Variants in ABCB7 observed in about 807,000 individuals in gnomAD.
ABCB7 encodes the protein iron-sulfur clusters transporter ABCB7, mitochondrial.
Under a neutral mutation model 54.4 loss-of-function variants are expected in ABCB7, and 7 were observed. The observed-to-expected ratio is 0.13, with a 90% CI of 0.07 to 0.24. The LOEUF (loss-of-function observed/expected upper bound fraction) is 0.24, where lower values mean the gene tolerates loss of function less well. Among genes scored for constraint, ABCB7 ranks in the 10% least tolerant of loss-of-function variants. The probability of loss-of-function intolerance (pLI) is 1.00; values close to 1 mark genes in which losing one functional copy is unlikely to be tolerated. For synonymous variants in ABCB7, 218 were observed against 207.1 expected (o/e 1.05, Z -0.45); for missense variants, 356 against 570.4 (o/e 0.62, Z 3.83).
At chrX:75,069,159 G>A in intron 11 of ABCB7, 23 bp from the exon 12 acceptor site, 1 of 1,208,745 alleles carries the variant, frequency 8.3e-7, no homozygotes, top group Non-Finnish European at 1.1e-6. Context: ...ATGAAGAAAG[G>A]TTATTTAGCT....
In ABCB7 at chrX:75,076,672, T is replaced by A. The variant is rs369017029; in HGVS notation, c.454-18A>T. On this transcript the variant is annotated intron_variant, in intron 4 of 15. Coordinates refer to ENST00000373394, the MANE Select transcript of ABCB7 (RefSeq NM_001271696.3). The stretch of plus-strand genomic sequence containing the variant: ...TTCATGGCCTAAAAACATAAAAACA[T>A]CAATTACCCATTATACACAAAATAC... 2.4e-5 allele frequency: 29 copies of A among 1,194,505 alleles called. No individual in the cohort carries two copies. In the African/African-American group the frequency reaches 4.6e-4, roughly 19 times the overall value.
chrX:75,055,730 T>C (rs1188815529), intron 15 of ABCB7, among the ~76,000 whole-genome samples: 4 of 111,083 alleles, frequency 3.6e-5, no homozygotes, highest in Non-Finnish European at 5.7e-5. Context: ...ATTGAATTTA[T>C]AACAGCTTCG....
Position 75,114,796 on chromosome X carries a change from T to A in ABCB7, c.204A>T (p.Arg68Ser), listed in dbSNP as rs760004808. ...PESLKSITWQ[R>S]LGKGNSGQFL... ...ACTGTCCTGAATTGCCTTTTCCCAA[T>A]CTCTGCCATGTGATACTTTTTAATG... is the stretch of plus-strand genomic sequence containing the variant. The change falls in exon 2 of 16, where the codon AGA becomes AGT. Residue 68 changes from arginine (R) to serine (S), a missense_variant. Around this residue, in one of 2 missense-constraint regions of ABCB7, gnomAD observed 115 missense variants for 99.5 expected, o/e 1.16. Transcript: ENST00000373394. 1.7e-6 allele frequency: 2 copies of A among 1,199,934 alleles called. No homozygotes were observed. The highest frequency in any genetic ancestry group is 1.8e-5 in the South Asian group (1 of 56,559).
Position 75,076,669 on chromosome X carries a change from A to G in ABCB7, c.454-15T>C, listed in dbSNP as rs1452586651. 8.4e-7 allele frequency: 1 copy of G among 1,196,503 alleles called. No individual in the cohort carries two copies. The highest frequency in any genetic ancestry group is 1.1e-6 in the Non-Finnish European group (1 of 884,201). ...ATATTCATGGCCTAAAAACATAAAA[A>G]CATCAATTACCCATTATACACAAAA... On this transcript the variant is annotated splice_polypyrimidine_tract_variant and intron_variant, in intron 4 of 15. Transcript: ENST00000373394.
At chrX:75,113,980 G>T (rs755475949) in intron 2 of ABCB7, among the ~76,000 whole-genome samples, 1 of 111,594 alleles carries the variant, frequency 9.0e-6, no homozygotes, top group South Asian at 3.8e-4. Flanking sequence ...TTATCAAGGG[G>T]TCTGGTGAAT....
intron 4 of ABCB7, among the ~76,000 whole-genome samples, chrX:75,083,575 A>G (rs1356755353): frequency 9.1e-6 from 1 of 110,458 alleles, no homozygotes; most frequent in East Asian, 2.8e-4. Context: ...GAGCTTTAAT[A>G]GCTATAGAAA....
At chrX:75,151,731 T>C (rs2082133362) in intron 1 of ABCB7, among the ~76,000 whole-genome samples, 1 of 111,676 alleles carries the variant, frequency 9.0e-6, no homozygotes, top group Non-Finnish European at 1.9e-5. Flanking sequence ...GTTTACAGGA[T>C]CTGATGTCCA....
In ABCB7 at chrX:75,073,966, G is replaced by A. The variant is rs2081385972; in HGVS notation, c.856-10C>T. 8.6e-7 allele frequency: 1 copy of A among 1,162,733 alleles called. No individual in the cohort carries two copies. The highest frequency in any genetic ancestry group is 1.2e-6 in the Non-Finnish European group (1 of 851,435). ...CACCGCATTTGTAATACTAGAAAAG[G>A]AAGTCCAAAGAAGAAACGTGAAACA... is the stretch of plus-strand genomic sequence containing the variant. On this transcript the variant is annotated splice_polypyrimidine_tract_variant and intron_variant, in intron 6 of 15. Transcript: ENST00000373394.
intron 1 of ABCB7, among the ~76,000 whole-genome samples, chrX:75,132,619 G>A (rs2081983448): frequency 8.9e-6 from 1 of 112,531 alleles, no homozygotes; most frequent in Admixed American, 9.4e-5. Flanking sequence ...CTGAGAGGGA[G>A]CATGGCTGTA....
intron 8 of ABCB7, among the ~76,000 whole-genome samples, chrX:75,072,544 AG>A (rs2081370967): frequency 9.0e-6 from 1 of 111,570 alleles, no homozygotes; most frequent in Admixed American, 9.6e-5. Flanking sequence ...AACACAGAAA[AG>A]GTACAGTAAA....
intron 4 of ABCB7, among the ~76,000 whole-genome samples, chrX:75,084,317 G>C (rs1229343090): frequency 1.8e-5 from 2 of 111,404 alleles, no homozygotes; most frequent in Non-Finnish European, 3.8e-5. Flanking sequence ...AGCAGCAATA[G>C]GAAACAAAGC....
chrX:75,135,176 C>A (rs1451459565), intron 1 of ABCB7, among the ~76,000 whole-genome samples: 2 of 107,171 alleles, frequency 1.9e-5, no homozygotes, highest in African/African-American at 6.8e-5. Context: ...AAAAAAAAAA[C>A]CCTCAGAGAC....
intron 1 of ABCB7, among the ~76,000 whole-genome samples, chrX:75,141,914 T>A (rs2082056882): frequency 9.0e-6 from 1 of 111,107 alleles, no homozygotes; most frequent in Admixed American, 9.5e-5. Flanking sequence ...CCTAAAAGGA[T>A]CTCCCAATAG....
intron 1 of ABCB7, among the ~76,000 whole-genome samples, chrX:75,143,705 G>A (rs1033209107): frequency 9.0e-6 from 1 of 111,174 alleles, no homozygotes; most frequent in East Asian, 2.8e-4. Context: ...AGCAAGACAC[G>A]TCTCACATTG....
chrX:75,073,854 A>C lies in ABCB7; in HGVS notation c.944+14T>G. Reference sequence around the variant, plus strand: ...AATTTCTAAATTTTATGTGGCTTCTAGGGAATAAATTACCTCCACCGTGTG... The same window carrying C: ...AATTTCTAAATTTTATGTGGCTTCTCGGGAATAAATTACCTCCACCGTGTG... On this transcript the variant is annotated intron_variant, in intron 7 of 15. Coordinates refer to ENST00000373394, the MANE Select transcript of ABCB7 (RefSeq NM_001271696.3). 1 of 1,202,380 alleles carries C rather than the reference A, an allele frequency of 8.3e-7. No homozygotes were observed. Among genetic ancestry groups the C allele is most frequent in the Non-Finnish European group, 1.1e-6 (1 of 886,831 alleles).
At position 75,053,423 on chromosome X, in the gene ABCB7, G is replaced by A. The variant is rs371035361; in HGVS notation, c.2206C>T (p.Leu736=). The change falls in exon 16 of 16, where the codon CTA becomes TTA. Residue 736 remains leucine (L), a synonymous_variant. Coordinates refer to ENST00000373394, the MANE Select transcript of ABCB7 (RefSeq NM_001271696.3). The stretch of plus-strand genomic sequence containing the variant: ...ACACTATTGACAATTTCTTCTTGTA[G>A]TTTCTTTCTTTCCTCCTCTTTGGAT... ...NISKEEERKK[L]QEEIVNSVKG... 3 of 1,209,453 alleles carry A rather than the reference G, an allele frequency of 2.5e-6. No individual in the cohort carries two copies. The African/African-American group carries it at 5.2e-5, about 21-fold the overall frequency.
At chrX:75,095,859 AAGTT>A (rs1467824895) in intron 4 of ABCB7, among the ~76,000 whole-genome samples, 2 of 112,148 alleles carry the variant, frequency 1.8e-5, no homozygotes, top group Non-Finnish European at 3.8e-5. Flanking sequence ...GTCATTAAGG[AAGTT>A]AGTTTAGATC....
At chrX:75,106,579 A>C (rs890506096) in intron 3 of ABCB7, among the ~76,000 whole-genome samples, 2 of 112,162 alleles carry the variant, frequency 1.8e-5, no homozygotes, top group African/African-American at 6.5e-5. Flanking sequence ...TATGGAAAAC[A>C]GTATGGAGAT....
intron 1 of ABCB7, among the ~76,000 whole-genome samples, chrX:75,126,429 C>A (rs1341420896): frequency 2.7e-5 from 3 of 111,443 alleles, no homozygotes; most frequent in Non-Finnish European, 5.7e-5. Flanking sequence ...ATTTATAGCA[C>A]TAAATGCCCA....
Sources: allele counts gnomAD v4.1 joint callset (sites outside exome capture counted in the v4.1 genomes callset), GRCh38; gene constraint gnomAD v4.1.1; regional missense constraint gnomAD v4.1.1; transcripts MANE v1.5; gene names NCBI Gene and HGNC (gene_info 2026-07-23, HGNC 2026-07-21).